CCDC97: variants seen among roughly 807,000 people sequenced by gnomAD.
The protein encoded by CCDC97 is coiled-coil domain-containing protein 97.
Under a neutral mutation model 33.9 loss-of-function variants are expected in CCDC97, and 27 were observed. That is an observed-to-expected ratio of 0.80 (90% CI 0.59 to 1.10). CCDC97 has a LOEUF of 1.10. CCDC97 is among the 50% of genes least tolerant of loss of function. CCDC97 has a pLI of 0.00. For synonymous variants in CCDC97, 217 were observed against 194.0 expected, an observed-to-expected ratio of 1.12 and a Z score of -0.99; for missense variants, 422 against 476.6, an observed-to-expected ratio of 0.89 and a Z score of 1.07.
chr19:41,317,017 T>G (rs1158553889), intron 2 of CCDC97, among the ~76,000 whole-genome samples, 178 bp downstream of exon 2: 2 of 152,022 alleles, frequency 1.3e-5, no homozygotes, highest in Admixed American at 6.5e-5. Flanking sequence ...GGGGGAGAGA[T>G]AGACAGGGGT....
At chr19:41,314,634 A>C (rs1036395718) in intron 1 of CCDC97, among the ~76,000 whole-genome samples, 2 of 152,228 alleles carry the variant, frequency 1.3e-5, no homozygotes, top group African/African-American at 4.8e-5. Flanking sequence ...CTCATGGCTT[A>C]ATCCCTCACC....
At chr19:41,316,322 C>CT (rs2037744798) in intron 1 of CCDC97, 62 bp from the exon 2 acceptor site, 2 of 1,336,762 alleles carry the variant, frequency 1.5e-6, no homozygotes, top group South Asian at 2.6e-5. Context: ...GAGTGAGTGA[C>CT]TAAGCCCCCA....
intron 1 of CCDC97, among the ~76,000 whole-genome samples, chr19:41,315,566 C>G (rs1023659005): frequency 3.3e-5 from 5 of 151,246 alleles, no homozygotes; most frequent in African/African-American, 1.2e-4. Flanking sequence ...GCAGATCTCA[C>G]GCCATTGCAC....
At chr19:41,314,221 A>G (rs1471229279) in intron 1 of CCDC97, among the ~76,000 whole-genome samples, 1 of 150,488 alleles carries the variant, frequency 6.6e-6, no homozygotes, top group African/African-American at 2.5e-5. Context: ...ATCTTGGCTC[A>G]CCGCAACCTC....
chr19:41,312,933 C>T (rs1445976663), intron 1 of CCDC97, among the ~76,000 whole-genome samples: 2 of 152,128 alleles, frequency 1.3e-5, no homozygotes, highest in African/African-American at 4.8e-5. Context: ...GAGTGCGCCA[C>T]CACACCTGGC....
At position 41,316,668 on chromosome 19, in the gene CCDC97, T is replaced by C; in HGVS notation, c.331T>C (p.Phe111Leu). 1 of 1,614,134 alleles carries C rather than the reference T, an allele frequency of 6.2e-7. No individual in the cohort carries two copies. Among genetic ancestry groups the C allele is most frequent in the Non-Finnish European group, 8.5e-7 (1 of 1,180,014 alleles). The part of the protein sequence containing the change: ...HEKPLVFLER[F>L]RTGLREEHLA... ...GAAGCCACTGGTGTTCCTGGAGCGC[T>C]TCCGCACAGGCCTCCGTGAGGAGCA... Residue 111 changes from phenylalanine (F) to leucine (L), a missense_variant, in exon 2 of 5, where the codon TTC (phenylalanine) becomes CTC (leucine). Phe to Leu is a conservative substitution (Grantham distance 22). Coordinates refer to ENST00000269967, the MANE Select transcript of CCDC97 (RefSeq NM_052848.3).
At chr19:41,317,506 T>C (rs1251147116) in intron 2 of CCDC97, among the ~76,000 whole-genome samples, 1 of 151,396 alleles carries the variant, frequency 6.6e-6, no homozygotes, top group African/African-American at 2.4e-5. Context: ...GTAGATTACT[T>C]GAGCTCATGA....
chr19:41,319,087 G>T (rs755219509), intron 2 of CCDC97, among the ~76,000 whole-genome samples: 1 of 152,208 alleles, frequency 6.6e-6, no homozygotes, highest in Non-Finnish European at 1.5e-5. Context: ...ACACGTCCAT[G>T]GGCAGGAGCT....
At chr19:41,316,944 G>T (rs1484504585) in intron 2 of CCDC97, 105 bp downstream of exon 2, 16 of 905,394 alleles carry the variant, frequency 1.8e-5, no homozygotes, top group Admixed American at 2.9e-5. Flanking sequence ...AGAGATCCTG[G>T]GAGAGAAGTT....
At chr19:41,322,269 A>AT (rs1417414361) in intron 4 of CCDC97, among the ~76,000 whole-genome samples, 2 of 151,846 alleles carry the variant, frequency 1.3e-5, no homozygotes, top group African/African-American at 2.4e-5. Context: ...TACTTTTTCA[A>AT]TTTTTTTGTA....
At position 41,319,714 on chromosome 19, in the gene CCDC97, A is replaced by C. The variant is rs370690859; in HGVS notation, c.643A>C (p.Arg215=). 599 of 1,613,820 alleles carry C rather than the reference A, an allele frequency of 3.7e-4. 6 individuals carry two copies. In the South Asian group the frequency reaches 6.2e-3, roughly 17 times the overall value. ...GCCCCCCAAGCCCGGGTCCCCCGGG[A>C]GACCTGCTTGCCCGCTCTCCAACTT... ...HQPPKPGSPG[R]PACPLSNLLL... is the part of the protein sequence containing the mutation. The change falls in exon 3 of 5, where the codon AGA becomes CGA. Residue 215 remains arginine, a synonymous_variant. Coordinates refer to ENST00000269967, the MANE Select transcript of CCDC97 (RefSeq NM_052848.3).
At position 41,319,791 on chromosome 19, in the gene CCDC97, G is replaced by C; in HGVS notation, c.720G>C (p.Gln240His). The C allele has an allele frequency of 6.2e-7, 1 of 1,610,692 alleles. No homozygotes were observed. The highest frequency in any genetic ancestry group is 8.5e-7 in the Non-Finnish European group (1 of 1,178,660). The change falls in exon 3 of 5, where the codon CAG (glutamine) becomes CAC (histidine). Residue 240 changes from glutamine to histidine, a missense_variant. Coordinates refer to ENST00000269967, the MANE Select transcript of CCDC97 (RefSeq NM_052848.3). ...ERELQQRLLQQQEEEEACLEE... is the reference protein window; with the variant it reads ...ERELQQRLLQHQEEEEACLEE... ...AGCTACAGCAGCGTCTGCTCCAACAGCAGGAGGAGGAGGAGGCCTGCTTGG... is the reference window on the plus strand; with the variant it reads ...AGCTACAGCAGCGTCTGCTCCAACACCAGGAGGAGGAGGAGGCCTGCTTGG...
At chr19:41,315,986 C>T (rs980641714) in intron 1 of CCDC97, among the ~76,000 whole-genome samples, 6 of 151,410 alleles carry the variant, frequency 4.0e-5, no homozygotes, top group Non-Finnish European at 7.4e-5. Flanking sequence ...CCTAGCTACA[C>T]GGGAGGCTGA....
Position 41,310,295 on chromosome 19 carries a change from G to A in CCDC97, c.-16G>A. Reference sequence around the variant, plus strand: ...GCGGGGCCCGCCGGGCGGTTGAAAAGTCCGAGAGAATCAGGATGGAGGCCG... The same window carrying A: ...GCGGGGCCCGCCGGGCGGTTGAAAAATCCGAGAGAATCAGGATGGAGGCCG... On this transcript the variant is annotated 5_prime_UTR_variant, in exon 1 of 5. Coordinates refer to ENST00000269967, the MANE Select transcript of CCDC97 (RefSeq NM_052848.3). The A allele has an allele frequency of 5.0e-6, 8 of 1,597,592 alleles. No homozygotes were observed. Among genetic ancestry groups the A allele is most frequent in the African/African-American group, 1.3e-5 (1 of 74,798 alleles).
At position 41,316,784 on chromosome 19, in the gene CCDC97, C is replaced by T. The variant is rs374504882; in HGVS notation, c.447C>T (p.Thr149=). ...VARQGTARPR[T]LRTRLRNRRY... is the part of the protein sequence containing the mutation. ...GGCAGGGCACTGCCCGGCCCCGCAC[C>T]CTGCGTACCCGCCTGCGTAACCGGC... Residue 149 remains threonine (T), a synonymous_variant, in exon 2 of 5, where the codon ACC becomes ACT. Transcript: ENST00000269967. 9 of 1,605,602 alleles carry T rather than the reference C, an allele frequency of 5.6e-6. No homozygotes were observed. The highest frequency in any genetic ancestry group is 3.3e-4 in the Middle Eastern group (2 of 6,036).
At chr19:41,318,021 A>T (rs1416801290) in intron 2 of CCDC97, among the ~76,000 whole-genome samples, 4 of 151,206 alleles carry the variant, frequency 2.6e-5, no homozygotes, top group Non-Finnish European at 5.9e-5. Flanking sequence ...AGAAAGATGA[A>T]TGAGGTGGGG....
rs777781655 is a variant in CCDC97 at position 41,310,282 on chromosome 19, G to C, written c.-29G>C. On this transcript the variant is annotated 5_prime_UTR_variant, in exon 1 of 5. Transcript: ENST00000269967. ...CGGAGGTTAGTGTGCGGGGCCCGCC[G>C]GGCGGTTGAAAAGTCCGAGAGAATC... 1.9e-6 allele frequency: 3 copies of C among 1,586,734 alleles called. No homozygotes were observed. The highest frequency in any genetic ancestry group is 1.8e-5 in the Admixed American group (1 of 55,730).
rs957061109 is a variant in CCDC97 at position 41,316,924 on chromosome 19, G to A, written c.502+85G>A. The A allele has an allele frequency of 6.5e-5, 69 of 1,066,654 alleles. No individual in the cohort carries two copies. In the Middle Eastern group the frequency reaches 2.0e-3, roughly 32 times the overall value. 66.1% of individuals were successfully genotyped at this position (1,066,654 alleles called of 1,614,324 possible). ...GAGGGAATTAGAGAAAAGAATACAA[G>A]AGCAGAGACAGAGATCCTGGGAGAG... On this transcript the variant is annotated intron_variant, in intron 2 of 4. Coordinates refer to ENST00000269967, the MANE Select transcript of CCDC97 (RefSeq NM_052848.3).
rs1388355165 is a variant in CCDC97 at position 41,320,565 on chromosome 19, T to C, written c.911+95T>C. On this transcript the variant is annotated intron_variant, in intron 4 of 4. Coordinates refer to ENST00000269967, the MANE Select transcript of CCDC97 (RefSeq NM_052848.3). ...CTTAACAAGCTGTGGGGGTCTCCCT[T>C]TGTGGAGCTACAAGGCCCCAAAACA... The C allele has an allele frequency of 2.0e-6, 3 of 1,515,178 alleles. No individual in the cohort carries two copies. In the South Asian group the frequency reaches 3.5e-5, roughly 17 times the overall value. The allele number at this position is 1,515,178 out of a possible 1,614,324, so 93.9% of individuals were successfully genotyped here. A position where few individuals can be genotyped will look rare whatever the true frequency, so the allele number is the denominator to read the frequency against.
Sources: allele counts gnomAD v4.1 joint callset (sites outside exome capture counted in the v4.1 genomes callset), GRCh38; gene constraint gnomAD v4.1.1; transcripts MANE v1.5; gene names NCBI Gene and HGNC (gene_info 2026-07-23, HGNC 2026-07-21).